The following MARK1 variants were observed in gnomAD, a reference collection of about 807,000 sequenced individuals.
The protein encoded by MARK1 is microtubule affinity regulating kinase 1.
Under a neutral mutation model 96.3 loss-of-function variants are expected in MARK1, and 40 were observed. The ratio of observed to expected loss-of-function variants is 0.42; its 90% CI spans 0.32 to 0.54. The LOEUF is 0.54. MARK1 is among the 20% of genes least tolerant of loss of function. The pLI is 0.16. For synonymous variants in MARK1, 317 were observed against 341.2 expected (o/e 0.93, Z 0.78); for missense variants, 719 against 984.6 (o/e 0.73, Z 3.61).
intron 13 of MARK1, among the ~76,000 whole-genome samples, chr1:220,640,290 A>G (rs1668195469): frequency 6.6e-6 from 1 of 152,236 alleles, no homozygotes; most frequent in Non-Finnish European, 1.5e-5. Flanking sequence ...GTGATAGTAC[A>G]TTTAACGTTT....
chr1:220,590,395 G>A (rs1274243406), intron 3 of MARK1, among the ~76,000 whole-genome samples: 1 of 152,098 alleles, frequency 6.6e-6, no homozygotes, highest in Non-Finnish European at 1.5e-5. Context: ...AGGCAGGTTT[G>A]GTTTCTCCTG....
chr1:220,635,515 G>A lies in MARK1; in HGVS notation c.1262G>A (p.Arg421His), dbSNP rs962103935. The change falls in exon 12 of 18, where the codon CGT becomes CAT. Residue 421 changes from arginine to histidine, a missense_variant. By Grantham distance (29) the Arg-to-His change is conservative. Around this residue, in one of 4 missense-constraint regions of MARK1, gnomAD observed 501 missense variants for 588.3 expected, o/e 0.85. Transcript: ENST00000366917. ...RSISANQKQR[R>H]FSDHAGPSIP... Reference sequence around the variant, plus strand: ...ATCTCAGCAAATCAGAAGCAGCGGCGTTTCAGTGATCATGGTAGGGGAAAA... The same window carrying A: ...ATCTCAGCAAATCAGAAGCAGCGGCATTTCAGTGATCATGGTAGGGGAAAA... 1.9e-5 allele frequency: 31 copies of A among 1,608,610 alleles called. No homozygotes were observed. Among genetic ancestry groups the A allele is most frequent in the East Asian group, 8.9e-5 (4 of 44,846 alleles).
chr1:220,637,244 A>T (rs374737106), intron 13 of MARK1, among the ~76,000 whole-genome samples: 1 of 152,362 alleles, frequency 6.6e-6, no homozygotes, highest in Admixed American at 6.5e-5. Context: ...TAGTAACATA[A>T]GCAAAAAGAG....
At chr1:220,548,742 A>G (rs1320178167) in intron 1 of MARK1, among the ~76,000 whole-genome samples, 1 of 152,152 alleles carries the variant, frequency 6.6e-6, no homozygotes, top group Admixed American at 6.5e-5. Flanking sequence ...GGTGGACAGT[A>G]AGACTCCCAT....
At chr1:220,628,687 C>T (rs1245322718) in intron 9 of MARK1, among the ~76,000 whole-genome samples, 1 of 152,102 alleles carries the variant, frequency 6.6e-6, no homozygotes, top group Non-Finnish European at 1.5e-5. Flanking sequence ...GAGAATCGCA[C>T]CCACCCCACA....
intron 1 of MARK1, among the ~76,000 whole-genome samples, chr1:220,557,069 A>T (rs185790886): frequency 1.2e-4 from 18 of 152,312 alleles, no homozygotes; most frequent in African/African-American, 4.1e-4. Context: ...GTACCAGCAG[A>T]ATAAATAAAA....
At chr1:220,607,354 A>AT (rs1251130132) in intron 6 of MARK1, among the ~76,000 whole-genome samples, 1 of 151,860 alleles carries the variant, frequency 6.6e-6, no homozygotes, top group East Asian at 1.9e-4. Context: ...AATGCTTGTG[A>AT]TTTTTTGCAC....
chr1:220,585,512 C>T (rs543549128), intron 3 of MARK1, among the ~76,000 whole-genome samples: 8 of 152,236 alleles, frequency 5.3e-5, no homozygotes, highest in African/African-American at 1.9e-4. Flanking sequence ...CTTGTTAGCC[C>T]TCTTTAATTA....
chr1:220,562,718 T>C (rs1662756725), intron 1 of MARK1, among the ~76,000 whole-genome samples: 1 of 152,164 alleles, frequency 6.6e-6, no homozygotes, highest in Non-Finnish European at 1.5e-5. Context: ...CTTTATATAA[T>C]ATGGCATAGT....
rs1050573901 is a variant in MARK1, at chr1:220,528,652, T to C, written c.-171T>C. ...CGGCTCCCCCTCCTCTTCCTCCGCG[T>C]CCTCTTCCCTCTTTCCCCCGCCGGG... is the stretch of plus-strand genomic sequence containing the variant. On this transcript the variant is annotated 5_prime_UTR_variant, in exon 1 of 18. Coordinates refer to ENST00000366917, the MANE Select transcript of MARK1 (RefSeq NM_018650.5). 9.9e-5 allele frequency: 52 copies of C among 525,888 alleles called. 1 individual carries two copies. Among genetic ancestry groups the C allele is most frequent in the Admixed American group, 6.5e-4 (15 of 23,116 alleles). 32.6% of individuals were successfully genotyped at this position (525,888 alleles called of 1,614,324 possible). A position where few individuals can be genotyped will look rare whatever the true frequency, so the allele number is the denominator to read the frequency against.
At chr1:220,648,012 C>G (rs1668675924) in intron 13 of MARK1, among the ~76,000 whole-genome samples, 1 of 151,084 alleles carries the variant, frequency 6.6e-6, no homozygotes, top group Non-Finnish European at 1.5e-5. Flanking sequence ...ACCTATGTAA[C>G]CTGCACATCC....
At chr1:220,578,299 G>A (rs1664008565) in intron 1 of MARK1, among the ~76,000 whole-genome samples, 2 of 152,336 alleles carry the variant, frequency 1.3e-5, no homozygotes, top group Non-Finnish European at 1.5e-5. Flanking sequence ...ACAAGAGCAG[G>A]AACAATCACA....
intron 1 of MARK1, among the ~76,000 whole-genome samples, chr1:220,564,763 T>C (rs141685951): frequency 1.0e-3 from 154 of 152,300 alleles, no homozygotes; most frequent in Non-Finnish European, 1.8e-3. Context: ...TCAGCAACTA[T>C]AGGTTGTCAA....
chr1:220,619,928 T>G (rs1223760455), intron 9 of MARK1, among the ~76,000 whole-genome samples: 1 of 152,244 alleles, frequency 6.6e-6, no homozygotes, highest in Non-Finnish European at 1.5e-5. Context: ...AATGGGGCTT[T>G]CTGGCATGGA....
Position 220,661,976 on chromosome 1 carries a change from A to G in MARK1, c.2198A>G (p.Glu733Gly), listed in dbSNP as rs758844887. 6.2e-7 allele frequency: 1 copy of G among 1,614,216 alleles called. No individual in the cohort carries two copies. Among genetic ancestry groups the G allele is most frequent in the Non-Finnish European group, 8.5e-7 (1 of 1,180,038 alleles). The change falls in exon 18 of 18, where the codon GAG becomes GGG. Residue 733 changes from glutamate to glycine, a missense_variant. By Grantham distance (98) the Glu-to-Gly change is moderately conservative. Coordinates refer to ENST00000366917, the MANE Select transcript of MARK1 (RefSeq NM_018650.5). ...KVLDANNCDY[E>G]QKERFLLFCV... ...TTAGATGCAAATAACTGTGATTATG[A>G]GCAAAAAGAGAGATTTTTGCTTTTC...
At chr1:220,567,799 T>C (rs2102798699) in intron 1 of MARK1, among the ~76,000 whole-genome samples, 1 of 152,304 alleles carries the variant, frequency 6.6e-6, no homozygotes, top group South Asian at 2.1e-4. Context: ...GAGAGGTAAC[T>C]TCCTGAAGGT....
rs548275212 is a variant in MARK1 at position 220,647,910 on chromosome 1, G to A, written c.1471-2710G>A. ...CCTTTCAGAGGAGGGCGGAGGTCGCGGGAGAGCATTAGGAAAAATAGCTAT... is the reference window on the plus strand; with the variant it reads ...CCTTTCAGAGGAGGGCGGAGGTCGCAGGAGAGCATTAGGAAAAATAGCTAT... On this transcript the variant is annotated intron_variant, in intron 13 of 17. Coordinates refer to ENST00000366917, the MANE Select transcript of MARK1 (RefSeq NM_018650.5). Among the ~76,000 whole-genome samples, 4 of 152,140 alleles carry A rather than the reference G, an allele frequency of 2.6e-5. No homozygotes were observed. The South Asian group carries it at 8.3e-4, about 32-fold the overall frequency.
At chr1:220,531,496 G>A (rs1187807393) in intron 1 of MARK1, among the ~76,000 whole-genome samples, 1 of 151,912 alleles carries the variant, frequency 6.6e-6, no homozygotes. Context: ...CATTTCTTTG[G>A]TCATCCATAT....
intron 9 of MARK1, among the ~76,000 whole-genome samples, chr1:220,619,020 G>A (rs1666912147): frequency 6.6e-6 from 1 of 152,198 alleles, no homozygotes; most frequent in African/African-American, 2.4e-5. Context: ...CTTTTAGTTA[G>A]AGAAGGAGGA....
Sources: allele counts gnomAD v4.1 joint callset (sites outside exome capture counted in the v4.1 genomes callset), GRCh38; gene constraint gnomAD v4.1.1; regional missense constraint gnomAD v4.1.1; transcripts MANE v1.5; gene names NCBI Gene and HGNC (gene_info 2026-07-23, HGNC 2026-07-21).